Variants in RSPRY1 observed in about 807,000 individuals in gnomAD.
RSPRY1 encodes the protein RING finger and SPRY domain-containing protein 1.
A neutral mutation model predicts 73.1 loss-of-function variants in RSPRY1; 23 were observed. The observed-to-expected ratio is 0.31, with a 90% CI of 0.23 to 0.45. The LOEUF is 0.45. Ranked by LOEUF, RSPRY1 falls within the 20% of genes least tolerant of loss-of-function variation. RSPRY1 has a pLI of 1.00. For synonymous variants in RSPRY1, 226 were observed against 251.4 expected, an observed-to-expected ratio of 0.90 and a Z score of 0.95; for missense variants, 448 against 698.7, an observed-to-expected ratio of 0.64 and a Z score of 4.05.
chr16:57,220,786 G>A lies in RSPRY1; in HGVS notation c.956G>A (p.Arg319Lys). Residue 319 changes from arginine to lysine, a missense_variant, in exon 9 of 15, where the codon AGG (arginine) becomes AAG (lysine). Physicochemically the swap from Arg to Lys is conservative, Grantham distance 26 (BLOSUM62 2). Coordinates refer to ENST00000394420, the MANE Select transcript of RSPRY1 (RefSeq NM_133368.3). Reference protein sequence around the residue: ...TYEKVNLSSIRAMLNSNDVSE... With the variant: ...TYEKVNLSSIKAMLNSNDVSE... Reference sequence around the variant, plus strand: ...GAGAAAGTGAACTTGAGTAGCATTAGGGCCATGCTGAATAGCAATGATGTC... The same window carrying A: ...GAGAAAGTGAACTTGAGTAGCATTAAGGCCATGCTGAATAGCAATGATGTC... The A allele has an allele frequency of 6.2e-7, 1 of 1,614,052 alleles. No individual in the cohort carries two copies. The highest frequency in any genetic ancestry group is 1.1e-5 in the South Asian group (1 of 91,074).
Position 57,240,435 on chromosome 16 carries a change from G to T in RSPRY1, c.*1460G>T, listed in dbSNP as rs939740803. On this transcript the variant is annotated 3_prime_UTR_variant, in exon 15 of 15. Coordinates refer to ENST00000394420, the MANE Select transcript of RSPRY1 (RefSeq NM_133368.3). ...TAGCTTGTGGTGAATACAGTAATTTGCATTGAAGAATAAAACATCTGTTGC... is the reference window on the plus strand; with the variant it reads ...TAGCTTGTGGTGAATACAGTAATTTTCATTGAAGAATAAAACATCTGTTGC... 4.6e-5 allele frequency: 7 copies of T among 151,780 alleles called. No homozygotes were observed. The highest frequency in any genetic ancestry group is 1.7e-4 in the African/African-American group (7 of 41,280). The allele number at this position is 151,780 out of a possible 1,614,324, so 9.4% of individuals were successfully genotyped here.
At chr16:57,235,030 A>G (rs2075280183) in intron 13 of RSPRY1, 94 bp from the exon 14 acceptor site, 5 of 805,668 alleles carry the variant, frequency 6.2e-6, no homozygotes, top group Non-Finnish European at 1.0e-5. Context: ...AATATATGTC[A>G]CAGGTGCAGA....
chr16:57,226,434 T>G (rs932845741), intron 10 of RSPRY1, among the ~76,000 whole-genome samples: 3 of 152,210 alleles, frequency 2.0e-5, no homozygotes, highest in African/African-American at 7.2e-5. Flanking sequence ...CTGAGTATAC[T>G]TAGTTATTTC....
intron 3 of RSPRY1, among the ~76,000 whole-genome samples, chr16:57,208,392 A>ATTTT (rs1472834406): frequency 2.2e-5 from 2 of 89,022 alleles, no homozygotes; most frequent in African/African-American, 5.5e-5. Flanking sequence ...ATATATATAT[A>ATTTT]TATATATATT....
At chr16:57,225,258 G>A (rs975700015) in intron 10 of RSPRY1, among the ~76,000 whole-genome samples, 9 of 152,052 alleles carry the variant, frequency 5.9e-5, no homozygotes, top group Non-Finnish European at 1.3e-4. Context: ...ACAGGGTTTC[G>A]CCATGTTGGC....
intron 1 of RSPRY1, among the ~76,000 whole-genome samples, chr16:57,200,621 G>A (rs1166754818): frequency 1.6e-4 from 12 of 72,806 alleles, no homozygotes; most frequent in African/African-American, 6.1e-4. Context: ...GGGCAGAGGC[G>A]CCCCTCACCT....
At chr16:57,234,175 C>T (rs2075268330) in intron 13 of RSPRY1, among the ~76,000 whole-genome samples, 1 of 152,156 alleles carries the variant, frequency 6.6e-6, no homozygotes, top group Non-Finnish European at 1.5e-5. Flanking sequence ...CTGAAACACA[C>T]CAGGCCTATG....
intron 2 of RSPRY1, chr16:57,207,738 C>A (rs571981803): frequency 2.6e-4 from 124 of 480,450 alleles, no homozygotes; most frequent in African/African-American, 2.3e-3. Context: ...TGGCACTGGG[C>A]CTCTGAGTGT....
chr16:57,233,985 C>A (rs1416444619), intron 13 of RSPRY1, among the ~76,000 whole-genome samples: 1 of 152,202 alleles, frequency 6.6e-6, no homozygotes, highest in Non-Finnish European at 1.5e-5. Context: ...CACTTCTCTG[C>A]TCAAAAGATG....
At chr16:57,217,498 C>T (rs1567505132) in intron 8 of RSPRY1, among the ~76,000 whole-genome samples, 1 of 152,148 alleles carries the variant, frequency 6.6e-6, no homozygotes, top group Non-Finnish European at 1.5e-5. Context: ...TTCTCTTTTC[C>T]TCCTCCAAGG....
At chr16:57,215,015 G>A (rs1329625211) in intron 6 of RSPRY1, among the ~76,000 whole-genome samples, 4 of 151,490 alleles carry the variant, frequency 2.6e-5, no homozygotes, top group African/African-American at 9.7e-5. Context: ...GCGACAGAGC[G>A]AGACTCCATC....
intron 6 of RSPRY1, among the ~76,000 whole-genome samples, chr16:57,215,106 G>C (rs1255421699): frequency 2.6e-5 from 4 of 152,096 alleles, no homozygotes; most frequent in Admixed American, 2.0e-4. Context: ...CAGACTTCCT[G>C]ATGAAGGTGG....
chr16:57,207,928 C>G lies in RSPRY1; in HGVS notation c.351-130C>G, dbSNP rs1326625813. On this transcript the variant is annotated intron_variant, in intron 2 of 14. Coordinates refer to ENST00000394420, the MANE Select transcript of RSPRY1 (RefSeq NM_133368.3). ...CAGGTCATAGCTCAGGTTGTCTCTT[C>G]TATCTCTTTCCTTACATTTGTGTTC... 1.2e-5 allele frequency: 8 copies of G among 663,566 alleles called. No individual in the cohort carries two copies. The African/African-American group carries it at 1.4e-4, about 12-fold the overall frequency. The allele number at this position is 663,566 out of a possible 1,614,324, so 41.1% of individuals were successfully genotyped here.
intron 14 of RSPRY1, among the ~76,000 whole-genome samples, chr16:57,236,460 G>T (rs1231376474): frequency 2.6e-5 from 4 of 152,136 alleles, no homozygotes; most frequent in Non-Finnish European, 5.9e-5. Context: ...TTTTAAAAGG[G>T]ATATAGGGAC....
At chr16:57,210,042 C>CCTCG (rs2074807665) in intron 4 of RSPRY1, among the ~76,000 whole-genome samples, 1 of 134,094 alleles carries the variant, frequency 7.5e-6, no homozygotes, top group South Asian at 3.3e-4. Flanking sequence ...TCCCTCCCTC[C>CCTCG]CTCCCTTCCT....
rs538793270 is a variant in RSPRY1 at position 57,212,423 on chromosome 16, T to C, written c.517-549T>C. ...GTTTTCATAATGGCATCTGAGTGGG[T>C]TTAATCTGTTTAGTGATTCAAGAAT... On this transcript the variant is annotated intron_variant, in intron 4 of 14. Coordinates refer to ENST00000394420, the MANE Select transcript of RSPRY1 (RefSeq NM_133368.3). Among the ~76,000 whole-genome samples, 46 of 152,204 alleles carry C rather than the reference T, an allele frequency of 3.0e-4. 1 individual carries two copies. Among genetic ancestry groups the C allele is most frequent in the Non-Finnish European group, 5.4e-4 (37 of 68,034 alleles).
At chr16:57,236,459 G>C (rs1331524449) in intron 14 of RSPRY1, among the ~76,000 whole-genome samples, 2 of 152,074 alleles carry the variant, frequency 1.3e-5, no homozygotes, top group Non-Finnish European at 2.9e-5. Context: ...ATTTTAAAAG[G>C]GATATAGGGA....
intron 8 of RSPRY1, among the ~76,000 whole-genome samples, chr16:57,217,822 C>T (rs1162576221): frequency 6.6e-6 from 1 of 152,200 alleles, no homozygotes; most frequent in Non-Finnish European, 1.5e-5. Flanking sequence ...CATAACTGGA[C>T]ATGTAAATCC....
At chr16:57,205,173 A>G in intron 2 of RSPRY1, 165 bp downstream of exon 2, 2 of 593,822 alleles carry the variant, frequency 3.4e-6, no homozygotes, top group Non-Finnish European at 6.0e-6. Flanking sequence ...GTAAATGATA[A>G]GATTTGATGT....
Sources: gnomAD v4.1 joint callset for allele counts (sites outside exome capture counted in the v4.1 genomes callset) on GRCh38, gnomAD v4.1.1 for gene constraint, MANE v1.5 for transcripts, NCBI Gene and HGNC (gene_info 2026-07-23, HGNC 2026-07-21) for gene names.